The following C7orf78 variants were observed in gnomAD, a reference collection of about 807,000 sequenced individuals.
C7orf78 encodes the protein putative uncharacterized protein C7orf78.
the C7orf78 span, chr7:12,504,645 A>G: frequency 3.9e-5 from 6 of 152,134 alleles, no homozygotes; most frequent in African/African-American, 1.4e-4. Flanking sequence ...TGGAGCCTAT[A>G]TGTTTTATAT....
chr7:12,495,267 T>C, the C7orf78 span, among the ~76,000 whole-genome samples: 1 of 152,192 alleles, frequency 6.6e-6, no homozygotes. Context: ...CTGTGTGACA[T>C]GTCAGATGGT....
chr7:12,503,663 G>A, the C7orf78 span, among the ~76,000 whole-genome samples: 1 of 151,712 alleles, frequency 6.6e-6, no homozygotes, highest in Non-Finnish European at 1.5e-5. Flanking sequence ...CAGCGTGCAG[G>A]TTTGTTACAC....
chr7:12,488,912 G>GTTT, the C7orf78 span, among the ~76,000 whole-genome samples: 1 of 77,008 alleles, frequency 1.3e-5, no homozygotes, highest in African/African-American at 5.2e-5. Context: ...GGGTTTGATT[G>GTTT]GTTTTTTTTT....
chr7:12,539,488 A>G, the C7orf78 span, among the ~76,000 whole-genome samples: 1 of 152,152 alleles, frequency 6.6e-6, no homozygotes, highest in Non-Finnish European at 1.5e-5. Flanking sequence ...CAAAGCCTTC[A>G]GATGTTTGAT....
the C7orf78 span, among the ~76,000 whole-genome samples, chr7:12,488,682 A>G: frequency 6.6e-6 from 1 of 152,036 alleles, no homozygotes; most frequent in Non-Finnish European, 1.5e-5. Flanking sequence ...AAAAAAAAAT[A>G]TAAAGCCCTT....
chr7:12,497,618 G>C, the C7orf78 span, among the ~76,000 whole-genome samples: 2 of 152,194 alleles, frequency 1.3e-5, no homozygotes, highest in Admixed American at 6.5e-5. Context: ...TAGCACAGCA[G>C]TCTGAGATCA....
chr7:12,528,643 A>G, the C7orf78 span, among the ~76,000 whole-genome samples: 17 of 152,380 alleles, frequency 1.1e-4, 1 homozygote, highest in East Asian at 2.7e-3. Context: ...AAAATATACC[A>G]TCCCACAGGA....
the C7orf78 span, among the ~76,000 whole-genome samples, chr7:12,497,721 T>G: frequency 9.2e-5 from 14 of 151,494 alleles, no homozygotes; most frequent in Non-Finnish European, 1.6e-4. Context: ...TCGAACTGGG[T>G]GGAGCCCACC....
chr7:12,513,535 T>TTTCC, the C7orf78 span, among the ~76,000 whole-genome samples: 15 of 152,214 alleles, frequency 9.9e-5, no homozygotes, highest in African/African-American at 3.6e-4. Context: ...TTTTGTTTAG[T>TTTCC]TTCCATGTAT....
At chr7:12,524,758 G>T in the C7orf78 span, among the ~76,000 whole-genome samples, 9,266 of 151,836 alleles carry the variant, frequency 0.061, 340 homozygotes, top group African/African-American at 0.11. Context: ...CAAGAGAATC[G>T]CTTGAATTTG....
chr7:12,510,720 G>C, the C7orf78 span, among the ~76,000 whole-genome samples: 1 of 151,970 alleles, frequency 6.6e-6, no homozygotes, highest in African/African-American at 2.4e-5. Context: ...CTTGTGCTTT[G>C]TCCACTTTTT....
the C7orf78 span, chr7:12,507,041 C>G: frequency 4.3e-4 from 179 of 415,764 alleles, 1 homozygote; most frequent in Admixed American, 1.2e-3. Context: ...CGGTGTCACC[C>G]TGTAATCCCA....
chr7:12,522,880 A>G, the C7orf78 span: 9 of 396,640 alleles, frequency 2.3e-5, no homozygotes, highest in South Asian at 1.1e-3. Flanking sequence ...TGCTTCATAA[A>G]TTTTTCAAAG....
At chr7:12,505,237 T>A in the C7orf78 span, among the ~76,000 whole-genome samples, 1 of 152,196 alleles carries the variant, frequency 6.6e-6, no homozygotes, top group African/African-American at 2.4e-5. Context: ...CAAACATAAT[T>A]ATTATGATTG....
At chr7:12,489,398 T>C in the C7orf78 span, among the ~76,000 whole-genome samples, 1 of 152,102 alleles carries the variant, frequency 6.6e-6, no homozygotes, top group Non-Finnish European at 1.5e-5. Context: ...AAACTGAGAT[T>C]GATTGAACTT....
At chr7:12,484,710 G>C in the C7orf78 span, among the ~76,000 whole-genome samples, 10 of 152,096 alleles carry the variant, frequency 6.6e-5, no homozygotes, top group African/African-American at 2.2e-4. Context: ...GTCTATTTCA[G>C]GTTGGAGGTG....
the C7orf78 span, among the ~76,000 whole-genome samples, chr7:12,494,808 C>T: frequency 6.6e-6 from 1 of 152,166 alleles, no homozygotes; most frequent in African/African-American, 2.4e-5. Flanking sequence ...GGGGCTGCTA[C>T]CTCCTCCTAG....
chr7:12,520,539 G>T, the C7orf78 span, among the ~76,000 whole-genome samples: 4 of 152,104 alleles, frequency 2.6e-5, no homozygotes, highest in African/African-American at 7.2e-5. Flanking sequence ...AGTTTCCAAA[G>T]TTCTTTCTGT....
the C7orf78 span, among the ~76,000 whole-genome samples, chr7:12,528,339 G>A: frequency 2.0e-5 from 3 of 151,338 alleles, no homozygotes; most frequent in African/African-American, 7.2e-5. Flanking sequence ...ATCTAGCTGT[G>A]TAATTGAAAT....
Sources: allele counts gnomAD v4.1 joint callset (sites outside exome capture counted in the v4.1 genomes callset), GRCh38; gene constraint gnomAD v4.1.1; transcripts MANE v1.5; gene names NCBI Gene and HGNC (gene_info 2026-07-23, HGNC 2026-07-21).